Variants in NAV3 observed in about 807,000 individuals in gnomAD.
The protein encoded by NAV3 is neuron navigator 3, also known as pore membrane and/or filament interacting like protein 1.
In NAV3, 87 loss-of-function variants were observed where a neutral mutation model predicts 244.7. The observed-to-expected ratio is 0.36, with a 90% CI of 0.30 to 0.42. The LOEUF is 0.42. NAV3 is among the 20% of genes least tolerant of loss of function. NAV3 has a pLI of 1.00. For missense variants in NAV3, 2,663 were observed against 2,893.3 expected, an observed-to-expected ratio of 0.92 and a Z score of 1.83; for synonymous variants, 1,126 against 1,042.2, an observed-to-expected ratio of 1.08 and a Z score of -1.55.
In NAV3 at chr12:78,211,465, C is replaced by A. The variant is rs1433585656; in HGVS notation, c.*948C>A. ...ACATAGTAGCCTCATCTCTATATAT[C>A]TTTCTCTTTTTTTTTTTTTTGAAGA... On this transcript the variant is annotated 3_prime_UTR_variant, in exon 40 of 40. Transcript: ENST00000397909. 1 of 108,566 alleles carries A rather than the reference C, an allele frequency of 9.2e-6. No homozygotes were observed. The highest frequency in any genetic ancestry group is 2.4e-4 in the East Asian group (1 of 4,100). 6.7% of individuals were successfully genotyped at this position (108,566 alleles called of 1,614,324 possible). A position where few individuals can be genotyped will look rare whatever the true frequency, so the allele number is the denominator to read the frequency against.
chr12:78,117,355 T>TA (rs1566156762), intron 13 of NAV3, among the ~76,000 whole-genome samples: 1 of 10,210 alleles, frequency 9.8e-5, no homozygotes, highest in African/African-American at 2.4e-4. Context: ...TAAAAATATA[T>TA]AACATATAAT....
intron 9 of NAV3, among the ~76,000 whole-genome samples, chr12:78,040,810 A>G (rs1880728983): frequency 6.6e-6 from 1 of 152,160 alleles, no homozygotes; most frequent in Non-Finnish European, 1.5e-5. Context: ...ACTGTATGAA[A>G]TCTTTCATAT....
intron 1 of NAV3, among the ~76,000 whole-genome samples, chr12:77,837,753 T>G (rs146273166): frequency 0.017 from 2,569 of 152,328 alleles, 68 homozygotes; most frequent in African/African-American, 0.058. Flanking sequence ...GTTTTAGGTA[T>G]TAAATTAGCA....
chr12:78,005,118 A>T (rs1168892354), intron 7 of NAV3, among the ~76,000 whole-genome samples: 2 of 152,150 alleles, frequency 1.3e-5, no homozygotes, highest in African/African-American at 4.8e-5. Flanking sequence ...AACCCCACCG[A>T]AGCTCCCAGG....
At chr12:77,600,656 A>G (rs1870386348) in intron 2 of NAV3, among the ~76,000 whole-genome samples, 1 of 151,892 alleles carries the variant, frequency 6.6e-6, no homozygotes, top group African/African-American at 2.4e-5. Context: ...TCTCGCAAGG[A>G]TCTAAAGGAA....
chr12:77,941,056 CTTTTA>C lies in NAV3; in HGVS notation c.362-18_362-14del, dbSNP rs1201810502. ...TAAGCATGTCGTTCTTTTTTTCTCT[CTTTTA>C]TTTTATCTCTTGGCTTTAGCAAATG... On this transcript the variant is annotated intron_variant, in intron 2 of 39. Coordinates refer to ENST00000397909, the MANE Select transcript of NAV3 (RefSeq NM_001024383.2). The C allele has an allele frequency of 6.8e-7, 1 of 1,471,004 alleles. No homozygotes were observed. Among genetic ancestry groups the C allele is most frequent in the East Asian group, 2.3e-5 (1 of 43,292 alleles). The allele number at this position is 1,471,004 out of a possible 1,614,324, so 91.1% of individuals were successfully genotyped here.
chr12:77,673,278 C>T (rs943215499), intron 2 of NAV3, among the ~76,000 whole-genome samples: 1 of 152,026 alleles, frequency 6.6e-6, no homozygotes, highest in Non-Finnish European at 1.5e-5. Flanking sequence ...CTTTTATGAT[C>T]AGGTTGCATT....
At chr12:77,906,617 A>C (rs1217450827) in intron 1 of NAV3, among the ~76,000 whole-genome samples, 1 of 152,120 alleles carries the variant, frequency 6.6e-6, no homozygotes, top group Admixed American at 6.6e-5. Context: ...ACTGAGCCAC[A>C]CAATCTGAGT....
chr12:77,615,627 G>T (rs1214443566), intron 2 of NAV3, among the ~76,000 whole-genome samples: 1 of 152,126 alleles, frequency 6.6e-6, no homozygotes, highest in Non-Finnish European at 1.5e-5. Flanking sequence ...CCGTTGATGG[G>T]CATCTTTATT....
chr12:77,724,413 T>C (rs1048013009), intron 2 of NAV3, among the ~76,000 whole-genome samples: 1 of 151,976 alleles, frequency 6.6e-6, no homozygotes, highest in Non-Finnish European at 1.5e-5. Flanking sequence ...TATGAATATA[T>C]AACTGGAGGA....
At chr12:78,175,046 C>G (rs1334833136) in intron 24 of NAV3, among the ~76,000 whole-genome samples, 1 of 151,870 alleles carries the variant, frequency 6.6e-6, no homozygotes. Context: ...TAATTTTAGA[C>G]AAAACTGAGA....
intron 9 of NAV3, among the ~76,000 whole-genome samples, chr12:78,042,636 C>T (rs1244408108): frequency 1.3e-5 from 2 of 151,162 alleles, no homozygotes; most frequent in Admixed American, 6.6e-5. Context: ...CTACTAAATA[C>T]AAAAATTAGC....
chr12:77,601,901 G>T (rs961139320), intron 2 of NAV3, among the ~76,000 whole-genome samples: 2 of 152,110 alleles, frequency 1.3e-5, no homozygotes, highest in East Asian at 3.9e-4. Flanking sequence ...ATAAGTGATT[G>T]AAGGTAGGGG....
intron 9 of NAV3, among the ~76,000 whole-genome samples, chr12:78,030,296 A>G (rs1281679748): frequency 1.3e-5 from 2 of 152,220 alleles, no homozygotes; most frequent in East Asian, 3.9e-4. Context: ...TCCATCCTTT[A>G]TTGGCTTTCA....
intron 2 of NAV3, among the ~76,000 whole-genome samples, chr12:77,777,097 A>G (rs557591204): frequency 6.6e-6 from 1 of 152,272 alleles, no homozygotes; most frequent in South Asian, 2.1e-4. Flanking sequence ...ATCTGTGGGG[A>G]CTTGTTCCAA....
At chr12:77,728,724 A>G (rs1336418635) in intron 2 of NAV3, among the ~76,000 whole-genome samples, 2 of 151,954 alleles carry the variant, frequency 1.3e-5, no homozygotes, top group Admixed American at 6.6e-5. Context: ...AGTGATGTCC[A>G]GAACACACTT....
intron 1 of NAV3, among the ~76,000 whole-genome samples, chr12:77,873,360 A>G (rs1881276780): frequency 6.6e-6 from 1 of 152,042 alleles, no homozygotes; most frequent in African/African-American, 2.4e-5. Flanking sequence ...TACAGATCTT[A>G]TTGTTACTTT....
chr12:78,078,521 A>G (rs1174540648), intron 12 of NAV3, among the ~76,000 whole-genome samples: 5 of 147,790 alleles, frequency 3.4e-5, no homozygotes, highest in African/African-American at 7.5e-5. Flanking sequence ...TCAGCCTCCC[A>G]AGTAGCTGGG....
In NAV3 at chr12:78,118,158, A is replaced by T. The variant is rs200979477; in HGVS notation, c.2901A>T (p.Gly967=). Residue 967 remains glycine, a synonymous_variant, in exon 14 of 40, where the codon GGA becomes GGT. Transcript: ENST00000397909. ...AGGKWKTVSS[G]LPEDPEKAGQ... ...GCAAGTGGAAGACTGTGTCCTCTGG[A>T]CTTCCTGAAGACCCCGAGAAGGCAG... 79 of 1,613,922 alleles carry T rather than the reference A, an allele frequency of 4.9e-5. No individual in the cohort carries two copies. The highest frequency in any genetic ancestry group is 3.3e-4 in the Middle Eastern group (2 of 6,062).
Sources: gnomAD v4.1 joint callset for allele counts (sites outside exome capture counted in the v4.1 genomes callset) on GRCh38, gnomAD v4.1.1 for gene constraint, MANE v1.5 for transcripts, NCBI Gene and HGNC (gene_info 2026-07-23, HGNC 2026-07-21) for gene names.